The following ZNF521 variants were observed in gnomAD, a reference collection of about 807,000 sequenced individuals.
ZNF521 encodes the protein LYST-interacting protein 3.
Under a neutral mutation model 105.5 loss-of-function variants are expected in ZNF521, and 14 were observed. The ratio of observed to expected loss-of-function variants is 0.13; its 90% confidence interval spans 0.09 to 0.21. The LOEUF (loss-of-function observed/expected upper bound fraction) is 0.21. Ranked by LOEUF, ZNF521 falls within the 10% of genes least tolerant of loss-of-function variation. ZNF521 has a pLI of 1.00. For missense variants in ZNF521, 1,233 were observed against 1,629.7 expected (o/e 0.76, Z 4.19); for synonymous variants, 635 against 606.0 (o/e 1.05, Z -0.70).
At chr18:25,201,047 T>C (rs1395486850) in intron 4 of ZNF521, 1 of 152,030 alleles carries the variant, frequency 6.6e-6, no homozygotes, top group Non-Finnish European at 1.5e-5. Context: ...TGATTTTTTT[T>C]TTTTCTATGT....
intron 5 of ZNF521, among the ~76,000 whole-genome samples, chr18:25,111,278 A>G (rs576717141): frequency 1.3e-5 from 2 of 152,234 alleles, no homozygotes; most frequent in Admixed American, 6.5e-5. Flanking sequence ...AAGCACTTCA[A>G]TGCTACTGCA....
chr18:25,179,974 C>T (rs901965648), intron 5 of ZNF521, among the ~76,000 whole-genome samples: 1 of 152,278 alleles, frequency 6.6e-6, no homozygotes, highest in Middle Eastern at 3.4e-3. Context: ...TGAAATCAGT[C>T]ATGCAAGTTA....
chr18:25,288,358 G>A (rs1405312043), intron 3 of ZNF521, among the ~76,000 whole-genome samples: 1 of 152,134 alleles, frequency 6.6e-6, no homozygotes, highest in African/African-American at 2.4e-5. Flanking sequence ...TATGACAGTA[G>A]TCATTTTCCT....
intron 7 of ZNF521, among the ~76,000 whole-genome samples, chr18:25,063,526 G>C (rs2032967623): frequency 6.6e-6 from 1 of 152,030 alleles, no homozygotes; most frequent in South Asian, 2.1e-4. Flanking sequence ...ATTGTGAGAG[G>C]GTAACTGGGA....
chr18:25,186,919 A>AG (rs35179135), intron 5 of ZNF521, among the ~76,000 whole-genome samples: 20,274 of 149,254 alleles, frequency 0.14, 1,787 homozygotes, highest in East Asian at 0.29. Context: ...AAAAAAAAAA[A>AG]AAGAAAAAGA....
chr18:25,189,701 C>T (rs1055574429), intron 5 of ZNF521, among the ~76,000 whole-genome samples: 1 of 152,138 alleles, frequency 6.6e-6, no homozygotes, highest in African/African-American at 2.4e-5. Flanking sequence ...TTAATCTATC[C>T]CCAGATCACA....
intron 3 of ZNF521, among the ~76,000 whole-genome samples, chr18:25,261,930 G>A (rs1425675973): frequency 6.6e-6 from 1 of 152,152 alleles, no homozygotes; most frequent in African/African-American, 2.4e-5. Context: ...GGAGCCAGGA[G>A]TTTTTAAACA....
intron 3 of ZNF521, among the ~76,000 whole-genome samples, chr18:25,273,176 G>A (rs1280864047): frequency 2.4e-5 from 3 of 124,448 alleles, no homozygotes; most frequent in African/African-American, 6.1e-5. Flanking sequence ...GCAGTGAGCC[G>A]AGATCGCTCC....
chr18:25,226,612 C>G lies in ZNF521; in HGVS notation c.1306G>C (p.Ala436Pro), dbSNP rs748384458. 6.2e-7 allele frequency: 1 copy of G among 1,614,122 alleles called. No individual in the cohort carries two copies. ...KTMHLDKPEQ[A>P]HICQYCLEVL... The stretch of plus-strand genomic sequence containing the variant: ...TCCAAGCAATACTGACAAATATGGG[C>G]CTGTTCTGGCTTATCTAAGTGCATA... Residue 436 changes from alanine (A) to proline (P), a missense_variant, in exon 4 of 8, where the codon GCC becomes CCC. Around this residue, in one of 6 missense-constraint regions of ZNF521, gnomAD observed 380 missense variants for 478.0 expected, o/e 0.80. Transcript: ENST00000361524. This position sits in a 1 kb window ranked among gnomAD's most constrained non-coding sequence, Gnocchi z 4.1.
At position 25,225,362 on chromosome 18, in the gene ZNF521, C is replaced by T; in HGVS notation, c.2556G>A (p.Gln852=). 1.9e-6 allele frequency: 3 copies of T among 1,614,192 alleles called. No homozygotes were observed. Among genetic ancestry groups the T allele is most frequent in the Non-Finnish European group, 2.5e-6 (3 of 1,180,024 alleles). ...CGTNGASEQV[Q]KEEVELQTLL... Reference sequence around the variant, plus strand: ...AAGTCTGCAGCTCCACTTCCTCTTTCTGCACTTGCTCGGAAGCTCCATTTG... The same window carrying T: ...AAGTCTGCAGCTCCACTTCCTCTTTTTGCACTTGCTCGGAAGCTCCATTTG... The change falls in exon 4 of 8, where the codon CAG becomes CAA. Residue 852 remains glutamine, a synonymous_variant. Transcript: ENST00000361524. This position sits in a 1 kb window ranked among gnomAD's most constrained non-coding sequence, Gnocchi z 5.6.
intron 5 of ZNF521, among the ~76,000 whole-genome samples, chr18:25,173,643 G>C (rs2035485891): frequency 6.6e-6 from 1 of 150,676 alleles, no homozygotes; most frequent in Admixed American, 6.6e-5. Flanking sequence ...ACTAGCATGA[G>C]GGGGAATAAT....
chr18:25,246,117 C>T (rs945679201), intron 3 of ZNF521, among the ~76,000 whole-genome samples: 3 of 151,944 alleles, frequency 2.0e-5, no homozygotes, highest in Non-Finnish European at 2.9e-5. Context: ...GGAGACATAC[C>T]TAATGTAAAT....
At chr18:25,204,288 A>T (rs948514591) in intron 4 of ZNF521, among the ~76,000 whole-genome samples, 1 of 152,256 alleles carries the variant, frequency 6.6e-6, no homozygotes, top group African/African-American at 2.4e-5. Flanking sequence ...TGAGTAAAAA[A>T]GTTGAGCCAT....
At chr18:25,341,820 C>T (rs775229758) in intron 2 of ZNF521, among the ~76,000 whole-genome samples, 8 of 152,220 alleles carry the variant, frequency 5.3e-5, no homozygotes, top group Non-Finnish European at 1.0e-4. Flanking sequence ...TATGTAGACT[C>T]TCATCCAGTT....
chr18:25,102,243 A>T (rs554313773), intron 5 of ZNF521, among the ~76,000 whole-genome samples: 6 of 152,118 alleles, frequency 3.9e-5, no homozygotes, highest in African/African-American at 1.4e-4. Flanking sequence ...ACTATTTGGC[A>T]TTTTTTTTAA....
In ZNF521 at chr18:25,109,942, T is replaced by C. The variant is rs182614746; in HGVS notation, c.3659-17861A>G. 5.2e-4 allele frequency among the ~76,000 whole-genome samples: 80 copies of C among 152,382 alleles called. No individual in the cohort carries two copies. The Middle Eastern group carries it at 0.01, about 19-fold the overall frequency. ...ATTATTTCTTCTGCTGTGCCAAAGC[T>C]GTTTTGTATTTAGTTTGAACTATAC... On this transcript the variant is annotated intron_variant, in intron 5 of 7. Coordinates refer to ENST00000361524, the MANE Select transcript of ZNF521 (RefSeq NM_015461.3).
At chr18:25,180,177 A>C (rs923366012) in intron 5 of ZNF521, among the ~76,000 whole-genome samples, 10 of 152,352 alleles carry the variant, frequency 6.6e-5, no homozygotes, top group African/African-American at 2.4e-4. Context: ...AGACACATGC[A>C]CATGTAGTTT....
intron 3 of ZNF521, among the ~76,000 whole-genome samples, chr18:25,289,089 T>A (rs1321855514): frequency 6.6e-6 from 1 of 152,240 alleles, no homozygotes; most frequent in Non-Finnish European, 1.5e-5. Context: ...CTTCCAATTT[T>A]ACTCGTACTG....
chr18:25,249,686 T>A (rs1907979888), intron 3 of ZNF521, among the ~76,000 whole-genome samples: 1 of 152,102 alleles, frequency 6.6e-6, no homozygotes, highest in Admixed American at 6.6e-5. Flanking sequence ...GATCTCGAAC[T>A]CCTGACCTCA....
Sources: allele counts gnomAD v4.1 joint callset (sites outside exome capture counted in the v4.1 genomes callset), GRCh38; gene constraint gnomAD v4.1.1; regional missense constraint gnomAD v4.1.1; non-coding constraint Gnocchi (gnomAD v3.1); transcripts MANE v1.5; gene names NCBI Gene and HGNC (gene_info 2026-07-23, HGNC 2026-07-21).